The following ADRA1A variants were observed in gnomAD, a reference collection of about 807,000 sequenced individuals.
ADRA1A encodes the protein alpha-1A adrenergic receptor.
ADRA1A carries 31 observed loss-of-function variants against 29.6 expected under a neutral mutation model. That is an observed-to-expected ratio of 1.05 (90% CI 0.79 to 1.41). The LOEUF (loss-of-function observed/expected upper bound fraction) is 1.41, where lower values mean the gene tolerates loss of function less well. ADRA1A is among the 40% of genes most tolerant of loss of function. ADRA1A has a pLI of 0.00. For synonymous variants in ADRA1A, 311 were observed against 254.3 expected (o/e 1.22, Z -2.12); for missense variants, 619 against 601.1 (o/e 1.03, Z -0.31).
In ADRA1A at chr8:26,780,859, G is replaced by T. The variant is rs1214404675; in HGVS notation, c.884-10193C>A. On this transcript the variant is annotated intron_variant, in intron 2 of 2. Coordinates refer to ENST00000380573, the MANE Select transcript of ADRA1A (RefSeq NM_000680.4). Reference sequence around the variant, plus strand: ...GATCTGGGTTCTGTGCTCCTTATGAGAATCTAATGCCTGATGATCTGTTGC... The same window carrying T: ...GATCTGGGTTCTGTGCTCCTTATGATAATCTAATGCCTGATGATCTGTTGC... Among the ~76,000 whole-genome samples, 9 of 152,216 alleles carry T rather than the reference G, an allele frequency of 5.9e-5. 1 individual carries two copies. The highest frequency in any genetic ancestry group is 3.3e-4 in the Admixed American group (5 of 15,280).
intron 2 of ADRA1A, among the ~76,000 whole-genome samples, chr8:26,800,319 C>T (rs1808485319): frequency 6.6e-6 from 1 of 151,804 alleles, no homozygotes; most frequent in African/African-American, 2.4e-5. Flanking sequence ...TAAAGACAGA[C>T]TAATAGATGA....
chr8:26,777,883 G>A (rs1196734204), intron 2 of ADRA1A, among the ~76,000 whole-genome samples: 1 of 152,224 alleles, frequency 6.6e-6, no homozygotes, highest in Non-Finnish European at 1.5e-5. Context: ...TGGAAGTGCT[G>A]CCCACTTTTC....
intron 2 of ADRA1A, among the ~76,000 whole-genome samples, chr8:26,790,072 A>G (rs1402517427): frequency 2.0e-5 from 3 of 152,208 alleles, no homozygotes; most frequent in Non-Finnish European, 4.4e-5. Flanking sequence ...AAATACAAGT[A>G]GAACTACCAT....
chr8:26,776,823 A>C (rs960593169), intron 2 of ADRA1A, among the ~76,000 whole-genome samples: 6 of 152,250 alleles, frequency 3.9e-5, no homozygotes, highest in Admixed American at 3.9e-4. Context: ...AATTTAAAAA[A>C]ATGTGGACTC....
chr8:26,825,307 T>A lies in ADRA1A; in HGVS notation c.883+38780A>T, dbSNP rs1810475281. ...TCTGATTGTAGCTCAGCTCCTTTTC[T>A]TTTCTTCTCTCTTCTTCCTGCCTTT... On this transcript the variant is annotated intron_variant, in intron 2 of 2. Transcript: ENST00000380573. The surrounding 1 kb of genome is among the most constrained non-coding windows in gnomAD (Gnocchi z 5.7). 6.6e-6 allele frequency among the ~76,000 whole-genome samples: 1 copy of A among 152,126 alleles called. No individual in the cohort carries two copies. The highest frequency in any genetic ancestry group is 2.1e-4 in the South Asian group (1 of 4,830).
At position 26,806,069 on chromosome 8, in the gene ADRA1A, C is replaced by A. The variant is rs1808956699; in HGVS notation, c.884-35403G>T. Among the ~76,000 whole-genome samples, 1 of 152,192 alleles carries A rather than the reference C, an allele frequency of 6.6e-6. No individual in the cohort carries two copies. Among genetic ancestry groups the A allele is most frequent in the Non-Finnish European group, 1.5e-5 (1 of 68,032 alleles). Reference sequence around the variant, plus strand: ...AATGTGCTTGCTCTTCCTATTTTATCCTTCCAGGCATGTGGCAGCTTTACC... The same window carrying A: ...AATGTGCTTGCTCTTCCTATTTTATACTTCCAGGCATGTGGCAGCTTTACC... On this transcript the variant is annotated intron_variant, in intron 2 of 2. Transcript: ENST00000380573. This position sits in a 1 kb window ranked among gnomAD's most constrained non-coding sequence, Gnocchi z 4.6.
chr8:26,791,458 A>C (rs1638592631), intron 2 of ADRA1A, among the ~76,000 whole-genome samples: 1 of 152,156 alleles, frequency 6.6e-6, no homozygotes, highest in Non-Finnish European at 1.5e-5. Context: ...TATGGCGATG[A>C]TGATGGCAGT....
chr8:26,836,449 C>G (rs986499640), intron 2 of ADRA1A: 1 of 152,366 alleles, frequency 6.6e-6, no homozygotes, highest in African/African-American at 2.4e-5. Context: ...CTACTGTTAT[C>G]TACACCGTGA....
chr8:26,833,208 G>A (rs1252571198), intron 2 of ADRA1A, among the ~76,000 whole-genome samples: 3 of 152,154 alleles, frequency 2.0e-5, no homozygotes, highest in Non-Finnish European at 4.4e-5. Flanking sequence ...GTGGGAAACA[G>A]ACAAGACTCT....
chr8:26,782,142 C>T (rs192443491), intron 2 of ADRA1A, among the ~76,000 whole-genome samples: 20 of 152,292 alleles, frequency 1.3e-4, no homozygotes, highest in Admixed American at 1.2e-3. Context: ...CTCCCAGCTC[C>T]TGTGCAGCTC....
At chr8:26,837,876 A>C (rs1811503990) in intron 2 of ADRA1A, among the ~76,000 whole-genome samples, 1 of 152,232 alleles carries the variant, frequency 6.6e-6, no homozygotes, top group Non-Finnish European at 1.5e-5. Flanking sequence ...TCCCACTTTT[A>C]CTGCCTTTGA....
intron 2 of ADRA1A, among the ~76,000 whole-genome samples, chr8:26,828,923 C>T (rs1018736671): frequency 2.6e-5 from 4 of 152,140 alleles, no homozygotes; most frequent in Non-Finnish European, 2.9e-5. Context: ...TGAGCCAAAT[C>T]GCTTAATCTT....
At chr8:26,857,785 A>G (rs1446530270) in intron 2 of ADRA1A, among the ~76,000 whole-genome samples, 3 of 152,234 alleles carry the variant, frequency 2.0e-5, no homozygotes. Context: ...GCAGTGAAGC[A>G]ACCCTCAACC....
At chr8:26,792,231 C>T (rs1016672272) in intron 2 of ADRA1A, among the ~76,000 whole-genome samples, 1 of 152,016 alleles carries the variant, frequency 6.6e-6, no homozygotes, top group Non-Finnish European at 1.5e-5. Context: ...TATTTATTTG[C>T]TCTTTGCCAA....
At position 26,865,073 on chromosome 8, in the gene ADRA1A, G is replaced by C. The variant is rs1052657350; in HGVS notation, c.-104C>G. 3.9e-5 allele frequency: 59 copies of C among 1,506,292 alleles called. No individual in the cohort carries two copies. Among genetic ancestry groups the C allele is most frequent in the Non-Finnish European group, 5.2e-5 (59 of 1,138,508 alleles). The allele number at this position is 1,506,292 out of a possible 1,614,324, so 93.3% of individuals were successfully genotyped here. On this transcript the variant is annotated 5_prime_UTR_variant, in exon 2 of 3. Transcript: ENST00000380573. This position sits in a 1 kb window ranked among gnomAD's most constrained non-coding sequence, Gnocchi z 7.6. The stretch of plus-strand genomic sequence containing the variant: ...CGGGAATCAAAAGGTCTCGGCTGGA[G>C]GGAGCCCTGCCAGGTGGGTTTGGCT...
intron 2 of ADRA1A, among the ~76,000 whole-genome samples, chr8:26,861,210 T>C (rs114650735): frequency 5.8e-4 from 88 of 152,114 alleles, no homozygotes; most frequent in African/African-American, 1.7e-3. Flanking sequence ...GGACATCACA[T>C]TCTCCTGATT....
intron 2 of ADRA1A, among the ~76,000 whole-genome samples, chr8:26,863,257 G>A (rs1813615072): frequency 6.6e-6 from 1 of 152,122 alleles, no homozygotes; most frequent in Non-Finnish European, 1.5e-5. Context: ...ATTCCAAGTG[G>A]ATCAGCTTGC....
At chr8:26,779,733 T>C (rs2130345709) in intron 2 of ADRA1A, among the ~76,000 whole-genome samples, 1 of 152,282 alleles carries the variant, frequency 6.6e-6, no homozygotes. Context: ...ATGCAGTGCG[T>C]CTGCATAGGG....
At chr8:26,759,526 G>A (rs1805386116) in intron 2 of ADRA1A, among the ~76,000 whole-genome samples, 1 of 152,166 alleles carries the variant, frequency 6.6e-6, no homozygotes, top group Non-Finnish European at 1.5e-5. Context: ...GTAGATTCAA[G>A]CTGTCATTCA....
Sources: gnomAD v4.1 joint callset for allele counts (sites outside exome capture counted in the v4.1 genomes callset) on GRCh38, gnomAD v4.1.1 for gene constraint, Gnocchi (gnomAD v3.1) non-coding constraint, MANE v1.5 for transcripts, NCBI Gene and HGNC (gene_info 2026-07-23, HGNC 2026-07-21) for gene names.